The following TRAK1 variants were observed in gnomAD, a reference collection of about 807,000 sequenced individuals.
TRAK1 encodes the protein trafficking kinesin protein 1.
In TRAK1, 33 loss-of-function variants were observed where a neutral mutation model predicts 92.1. The observed-to-expected ratio is 0.36, with a 90% confidence interval of 0.27 to 0.48. The LOEUF (loss-of-function observed/expected upper bound fraction) is 0.48. TRAK1 is among the 20% of genes least tolerant of loss of function. The pLI is 0.99. For synonymous variants in TRAK1, 521 were observed against 517.3 expected (o/e 1.01, Z -0.10); for missense variants, 1,123 against 1,257.9 (o/e 0.89, Z 1.62).
At chr3:42,013,728 C>T (rs954963136), upstream of TRAK1, 2 of 147,562 alleles carry the variant, frequency 1.4e-5, no homozygotes, top group East Asian at 3.9e-4. The surrounding 1 kb of genome is among the most constrained non-coding windows in gnomAD (Gnocchi z 5.1). Context: ...CCCGCCGCCC[C>T]GGGGCCCACC....
chr3:42,038,304 C>A (rs1407509201), intron 1 of TRAK1, among the ~76,000 whole-genome samples: 2 of 152,138 alleles, frequency 1.3e-5, no homozygotes, highest in Non-Finnish European at 2.9e-5. Context: ...AATTGAATTT[C>A]TCTAGCCCAA....
chr3:42,174,408 G>A (rs772901939), intron 2 of TRAK1, among the ~76,000 whole-genome samples: 3 of 152,182 alleles, frequency 2.0e-5, no homozygotes, highest in Non-Finnish European at 2.9e-5. Context: ...GATTGTATCA[G>A]TGCTGATATC....
intron 13 of TRAK1, among the ~76,000 whole-genome samples, chr3:42,208,213 A>G (rs888440079): frequency 4.6e-5 from 7 of 152,104 alleles, no homozygotes; most frequent in Admixed American, 3.3e-4. Context: ...ATAGATCCAA[A>G]TTAAGTATGT....
chr3:42,125,885 C>G (rs952398774), intron 2 of TRAK1, among the ~76,000 whole-genome samples: 4 of 152,176 alleles, frequency 2.6e-5, no homozygotes, highest in Non-Finnish European at 5.9e-5. Flanking sequence ...GAGTCTAGCT[C>G]TCTTGCCCAG....
upstream of TRAK1, chr3:42,087,433 G>A (rs1260833276): frequency 6.5e-6 from 1 of 152,880 alleles, no homozygotes; most frequent in Non-Finnish European, 1.5e-5. Flanking sequence ...AGGGAGGAAG[G>A]GAGGGAGGTT....
intron 1 of TRAK1, among the ~76,000 whole-genome samples, chr3:42,027,930 A>G (rs1204798388): frequency 3.9e-5 from 6 of 152,016 alleles, no homozygotes; most frequent in Non-Finnish European, 8.8e-5. Context: ...GCTCACTGCA[A>G]CCTCCGCCTC....
intron 2 of TRAK1, among the ~76,000 whole-genome samples, chr3:42,157,641 G>A (rs1700721278): frequency 6.6e-6 from 1 of 152,000 alleles, no homozygotes; most frequent in Admixed American, 6.6e-5. Flanking sequence ...CCAAAGTGAG[G>A]GACCTTCTAC....
At chr3:42,126,211 T>C (rs1018323576) in intron 2 of TRAK1, among the ~76,000 whole-genome samples, 1 of 152,130 alleles carries the variant, frequency 6.6e-6, no homozygotes, top group South Asian at 2.1e-4. Context: ...TTACCAAAAA[T>C]ACAAATCCTT....
chr3:42,091,165 C>T (rs138984644), upstream of TRAK1: 319 of 331,328 alleles, frequency 9.6e-4, no homozygotes, highest in African/African-American at 6.4e-3. Context: ...GAATGCCCAT[C>T]ACAAAGCCCC....
intron 1 of TRAK1, among the ~76,000 whole-genome samples, chr3:42,022,631 A>G (rs1442306223): frequency 6.6e-6 from 1 of 152,036 alleles, no homozygotes; most frequent in Non-Finnish European, 1.5e-5. Flanking sequence ...TTGAAGCAGA[A>G]GGATCGCTTG....
intron 1 of TRAK1, among the ~76,000 whole-genome samples, chr3:42,058,420 C>G (rs1305851839): frequency 6.6e-6 from 1 of 152,078 alleles, no homozygotes; most frequent in Non-Finnish European, 1.5e-5. Context: ...TCACTGCAAC[C>G]TCTGCCTCCC....
chr3:42,223,057 CGT>C lies in TRAK1; in HGVS notation c.2184_2185del (p.Glu729ValfsTer69). On this transcript the variant is annotated frameshift_variant, in exon 16 of 16. Transcript: ENST00000327628. LOFTEE classifies it high-confidence loss of function. This position sits in a 1 kb window ranked among gnomAD's most constrained non-coding sequence, Gnocchi z 6.1. Reference protein sequence around the residue: ...LSLAESFTNTRESTTTMSTSL... With the variant: ...LSLAESFTNTXESTTTMSTSL... ...CCTGGCTGAGTCCTTCACTAACACC[CGT>C]GAGTCCACGACCACCATGAGCACAT... 1 of 1,614,074 alleles carries C rather than the reference CGT, an allele frequency of 6.2e-7. No individual in the cohort carries two copies. Among genetic ancestry groups the C allele is most frequent in the Non-Finnish European group, 8.5e-7 (1 of 1,180,024 alleles).
intron 1 of TRAK1, among the ~76,000 whole-genome samples, chr3:42,059,877 T>C (rs987959137): frequency 2.0e-5 from 3 of 152,150 alleles, no homozygotes; most frequent in Non-Finnish European, 2.9e-5. Flanking sequence ...TCACAGATCA[T>C]TGAGGAATGA....
At position 42,129,410 on chromosome 3, in the gene TRAK1, G is replaced by T. The variant is rs141401530; in HGVS notation, c.286+3796G>T. 2.3e-3 allele frequency among the ~76,000 whole-genome samples: 350 copies of T among 152,238 alleles called. 2 individuals carry two copies. Among genetic ancestry groups the T allele is most frequent in the Admixed American group, 0.013 (199 of 15,300 alleles). ...TGCTATGCAGATCAGAGCAGACACA[G>T]CCCCTTCCTGCACATCCTCCCCCTG... On this transcript the variant is annotated intron_variant, in intron 2 of 15. Transcript: ENST00000327628.
At chr3:42,211,611 A>G (rs1473442957) in intron 14 of TRAK1, 1 of 985,252 alleles carries the variant, frequency 1.0e-6, no homozygotes, top group Admixed American at 6.1e-5. Flanking sequence ...TTACAGGTAG[A>G]ATAGAAGGTG....
intron 1 of TRAK1, among the ~76,000 whole-genome samples, chr3:42,033,321 G>C (rs1702217992): frequency 6.6e-6 from 1 of 152,198 alleles, no homozygotes; most frequent in South Asian, 2.1e-4. Flanking sequence ...TGGTGGGGCG[G>C]AGCGGCTTTG....
At chr3:42,204,224 A>G (rs1708064476) in intron 13 of TRAK1, 2 of 985,340 alleles carry the variant, frequency 2.0e-6, no homozygotes, top group Admixed American at 1.2e-4. Flanking sequence ...CTCCTTTGTC[A>G]CTCAAAGATC....
At chr3:42,031,096 C>T (rs570746939) in intron 1 of TRAK1, among the ~76,000 whole-genome samples, 9 of 143,644 alleles carry the variant, frequency 6.3e-5, no homozygotes, top group African/African-American at 2.1e-4. Flanking sequence ...AGTGCAGTGG[C>T]GTGGTCTCGG....
chr3:42,109,864 A>G (rs1252490927), intron 1 of TRAK1, among the ~76,000 whole-genome samples: 2 of 151,464 alleles, frequency 1.3e-5, no homozygotes, highest in African/African-American at 4.9e-5. Context: ...AGAAAACCAA[A>G]CACCGCATTT....
Sources: allele counts gnomAD v4.1 joint callset (sites outside exome capture counted in the v4.1 genomes callset), GRCh38; gene constraint gnomAD v4.1.1; non-coding constraint Gnocchi (gnomAD v3.1); transcripts MANE v1.5; gene names NCBI Gene and HGNC (gene_info 2026-07-23, HGNC 2026-07-21).